REV1: variants seen among roughly 807,000 people sequenced by gnomAD.
REV1 encodes translesion synthesis protein REV1.
A neutral mutation model predicts 137.4 loss-of-function variants in REV1; 42 were observed. The observed-to-expected ratio is 0.31, with a 90% CI of 0.24 to 0.40. The LOEUF is 0.40. Among genes scored for constraint, REV1 ranks in the 10% least tolerant of loss-of-function variants. The probability of loss-of-function intolerance (pLI) is 1.00; values close to 1 mark genes in which losing one functional copy is unlikely to be tolerated. For synonymous variants in REV1, 524 were observed against 519.2 expected (o/e 1.01, Z -0.12); for missense variants, 1,282 against 1,490.1 (o/e 0.86, Z 2.30).
At chr2:99,454,127 T>C (rs900808707) in intron 3 of REV1, among the ~76,000 whole-genome samples, 3 of 151,690 alleles carry the variant, frequency 2.0e-5, no homozygotes, top group Non-Finnish European at 2.9e-5. Context: ...TCCTGGTTCA[T>C]GCTTGTAATT....
chr2:99,484,153 T>C (rs575230021), intron 1 of REV1, among the ~76,000 whole-genome samples: 4 of 152,268 alleles, frequency 2.6e-5, no homozygotes, highest in African/African-American at 9.6e-5. Context: ...ATGTTCTCAC[T>C]TGCAAGTGGC....
chr2:99,424,750 A>C, intron 9 of REV1: 1 of 1,301,940 alleles, frequency 7.7e-7, no homozygotes, highest in Non-Finnish European at 1.0e-6. Context: ...TGACAAACAG[A>C]CAAAATGTAC....
intron 8 of REV1, chr2:99,431,913 T>C (rs1013976608): frequency 1.0e-6 from 1 of 984,682 alleles, no homozygotes; most frequent in African/African-American, 1.7e-5. Flanking sequence ...GAGGAACGGT[T>C]GGAGAAATCA....
At chr2:99,419,587 A>G (rs1188866540) in intron 11 of REV1, among the ~76,000 whole-genome samples, 1 of 152,172 alleles carries the variant, frequency 6.6e-6, no homozygotes, top group Non-Finnish European at 1.5e-5. Context: ...TCCCAACCAC[A>G]GGAGACAGAG....
chr2:99,404,250 G>A (rs953606707), intron 18 of REV1, among the ~76,000 whole-genome samples, 194 bp downstream of exon 18: 31 of 152,092 alleles, frequency 2.0e-4, no homozygotes, highest in African/African-American at 6.3e-4. Context: ...CTGCTTCAGC[G>A]GGAGGCTGCT....
At chr2:99,475,522 G>A (rs1293351770) in intron 1 of REV1, among the ~76,000 whole-genome samples, 2 of 152,216 alleles carry the variant, frequency 1.3e-5, no homozygotes, top group Non-Finnish European at 2.9e-5. Context: ...AGTCTTTGAA[G>A]AGGTACATCT....
chr2:99,425,630 G>T (rs959751256), intron 9 of REV1, among the ~76,000 whole-genome samples: 6 of 152,126 alleles, frequency 3.9e-5, no homozygotes, highest in Admixed American at 2.6e-4. Context: ...TCAGAAAGCA[G>T]AAAAAAGGTC....
chr2:99,412,804 T>C lies in REV1; in HGVS notation c.2099A>G (p.Asp700Gly), dbSNP rs755098985. Residue 700 changes from aspartate to glycine, a missense_variant, in exon 13 of 23, where the codon GAT becomes GGT. Asp to Gly is a moderately conservative substitution (Grantham distance 94, BLOSUM62 -1). Around this residue, in one of 7 missense-constraint regions of REV1, gnomAD observed 372 missense variants for 482.3 expected, o/e 0.77. Coordinates refer to ENST00000258428, the MANE Select transcript of REV1 (RefSeq NM_016316.4). ...MLYRFCRGLD[D>G]RPVRTEKERK... The stretch of plus-strand genomic sequence containing the variant: ...TTCCTTTTCAGTTCGAACTGGTCTA[T>C]CATCCAAGCCACGGCAGAACCTATA... The C allele has an allele frequency of 1.9e-6, 3 of 1,614,162 alleles. No homozygotes were observed. Among genetic ancestry groups the C allele is most frequent in the South Asian group, 1.1e-5 (1 of 91,068 alleles).
intron 10 of REV1, among the ~76,000 whole-genome samples, chr2:99,422,249 CTCATAGGATCTA>C (rs1398393640): frequency 5.9e-5 from 9 of 152,126 alleles, no homozygotes; most frequent in Admixed American, 5.9e-4. Flanking sequence ...AAAAAATCAT[CTCATAGGATCTA>C]TCCACAAAAA....
chr2:99,418,151 A>T (rs969543496), intron 12 of REV1, among the ~76,000 whole-genome samples: 1 of 151,124 alleles, frequency 6.6e-6, no homozygotes, highest in Non-Finnish European at 1.5e-5. Flanking sequence ...CACTAAATCT[A>T]CTTTTAACAA....
intron 9 of REV1, chr2:99,424,987 T>G: frequency 1.1e-6 from 1 of 922,044 alleles, no homozygotes. Flanking sequence ...AAAACTATAA[T>G]TATGGAATTA....
chr2:99,434,495 TAAC>T (rs1184448883), intron 7 of REV1, 47 bp from the exon 8 acceptor site: 2 of 1,313,850 alleles, frequency 1.5e-6, no homozygotes, highest in South Asian at 3.0e-5. Context: ...ACAGGAATGT[TAAC>T]AACATGTAAG....
intron 8 of REV1, among the ~76,000 whole-genome samples, chr2:99,434,109 C>A (rs1003001039): frequency 2.6e-5 from 4 of 152,132 alleles, no homozygotes; most frequent in Admixed American, 2.0e-4. Flanking sequence ...TAAATTTATA[C>A]AAAGCAAATC....
At chr2:99,472,901 T>C (rs537368958) in intron 1 of REV1, among the ~76,000 whole-genome samples, 1 of 152,238 alleles carries the variant, frequency 6.6e-6, no homozygotes, top group African/African-American at 2.4e-5. Context: ...AACATTTAGA[T>C]ATAAAAATAC....
intron 1 of REV1, among the ~76,000 whole-genome samples, chr2:99,466,675 T>C (rs1684835556): frequency 6.6e-6 from 1 of 152,230 alleles, no homozygotes; most frequent in Admixed American, 6.5e-5. Flanking sequence ...AGAAGTGTTG[T>C]CAAAAGGTTA....
chr2:99,424,926 CTG>C lies in REV1; in HGVS notation c.1548-648_1548-647del, dbSNP rs773258544. On this transcript the variant is annotated intron_variant, in intron 9 of 22. Transcript: ENST00000258428. ...TAATTGAAAATGGTAAATTTTAAAT[CTG>C]TGTGTCTCAGTGCCCCACATTACCT... is the stretch of plus-strand genomic sequence containing the variant. 12 of 1,291,240 alleles carry C rather than the reference CTG, an allele frequency of 9.3e-6. No individual in the cohort carries two copies. The South Asian group carries it at 1.5e-4, about 16-fold the overall frequency. The allele number at this position is 1,291,240 out of a possible 1,614,324, so 80.0% of individuals were successfully genotyped here.
chr2:99,423,531 T>C (rs1243396563), intron 10 of REV1, among the ~76,000 whole-genome samples: 1 of 152,234 alleles, frequency 6.6e-6, no homozygotes, highest in African/African-American at 2.4e-5. Flanking sequence ...ATAGGCTGGT[T>C]ATACTTTTAA....
At chr2:99,464,844 C>G (rs947322166) in intron 2 of REV1, 78 bp downstream of exon 2, 2 of 1,394,822 alleles carry the variant, frequency 1.4e-6, no homozygotes, top group African/African-American at 2.8e-5. Context: ...TAGAAAACAA[C>G]TTAAACCACA....
intron 1 of REV1, among the ~76,000 whole-genome samples, chr2:99,482,492 TAAG>T (rs1686710202): frequency 6.6e-6 from 1 of 152,206 alleles, no homozygotes; most frequent in African/African-American, 2.4e-5. Flanking sequence ...GTAGCTAATA[TAAG>T]AAGTGAGGAG....
Sources: allele counts gnomAD v4.1 joint callset (sites outside exome capture counted in the v4.1 genomes callset), GRCh38; gene constraint gnomAD v4.1.1; regional missense constraint gnomAD v4.1.1; transcripts MANE v1.5; gene names NCBI Gene and HGNC (gene_info 2026-07-23, HGNC 2026-07-21).